LRRTM4: variants seen among roughly 807,000 people sequenced by gnomAD.
LRRTM4 encodes leucine rich repeat transmembrane neuronal 4.
Under a neutral mutation model 47.6 loss-of-function variants are expected in LRRTM4, and 25 were observed. The ratio of observed to expected loss-of-function variants is 0.53; its 90% CI spans 0.38 to 0.73. The LOEUF (loss-of-function observed/expected upper bound fraction) is 0.73, where lower values mean the gene tolerates loss of function less well. Ranked by LOEUF, LRRTM4 falls within the 30% of genes least tolerant of loss-of-function variation. LRRTM4 has a pLI of 0.00. For missense variants in LRRTM4, 638 were observed against 713.4 expected (o/e 0.89, Z 1.20); for synonymous variants, 311 against 269.5 (o/e 1.15, Z -1.51).
chr2:76,808,828 T>TC (rs1670640795), intron 3 of LRRTM4, among the ~76,000 whole-genome samples: 1 of 151,934 alleles, frequency 6.6e-6, no homozygotes, highest in South Asian at 2.1e-4. Context: ...CTGAACTTTT[T>TC]TTTTCAGTTC....
chr2:76,933,054 A>G (rs2103839464), intron 3 of LRRTM4, among the ~76,000 whole-genome samples: 1 of 152,156 alleles, frequency 6.6e-6, no homozygotes, highest in East Asian at 1.9e-4. Context: ...CTCACATCCT[A>G]TTTTTTTATG....
intron 3 of LRRTM4, among the ~76,000 whole-genome samples, chr2:77,021,645 C>G (rs1488419626): frequency 6.6e-6 from 1 of 152,166 alleles, no homozygotes; most frequent in African/African-American, 2.4e-5. Flanking sequence ...CCATCTTTAA[C>G]CAGACTGCCA....
intron 3 of LRRTM4, among the ~76,000 whole-genome samples, chr2:77,150,643 A>C (rs970247459): frequency 6.6e-6 from 1 of 152,166 alleles, no homozygotes; most frequent in African/African-American, 2.4e-5. Flanking sequence ...ATTCTCCGTA[A>C]ATAATTGAGG....
intron 3 of LRRTM4, among the ~76,000 whole-genome samples, chr2:77,174,407 T>C (rs1354723788): frequency 2.0e-5 from 3 of 152,200 alleles, no homozygotes; most frequent in Non-Finnish European, 2.9e-5. Flanking sequence ...TACTAGGCTG[T>C]AGCATAGGCT....
At chr2:76,843,291 A>G (rs1183596667) in intron 3 of LRRTM4, among the ~76,000 whole-genome samples, 2 of 152,144 alleles carry the variant, frequency 1.3e-5, no homozygotes, top group African/African-American at 4.8e-5. Flanking sequence ...GAGCCTAAAA[A>G]CTGAGGGCTT....
At chr2:77,143,634 G>T (rs1290954182) in intron 3 of LRRTM4, among the ~76,000 whole-genome samples, 1 of 152,130 alleles carries the variant, frequency 6.6e-6, no homozygotes, top group East Asian at 1.9e-4. Context: ...TAGAAAAACT[G>T]TATCATCTGC....
intron 3 of LRRTM4, among the ~76,000 whole-genome samples, chr2:77,330,778 C>T (rs1177525542): frequency 6.6e-6 from 1 of 152,062 alleles, no homozygotes; most frequent in Non-Finnish European, 1.5e-5. Flanking sequence ...AACATTCTAT[C>T]AGTAAAACTA....
chr2:77,496,659 G>T lies in LRRTM4; in HGVS notation c.1551+21659C>A, dbSNP rs185377158. Among the ~76,000 whole-genome samples, 616 of 151,820 alleles carry T rather than the reference G, an allele frequency of 4.1e-3. 7 individuals are homozygous for T. The highest frequency in any genetic ancestry group is 0.014 in the African/African-American group (589 of 41,494). On this transcript the variant is annotated intron_variant, in intron 3 of 3. Coordinates refer to ENST00000409884, the MANE Select transcript of LRRTM4 (RefSeq NM_001134745.3). ...GACCTAGCATTCCTGGTATGCAGTT[G>T]ATTTGGTAATGATTTTGGGGTATGA...
At chr2:77,295,767 A>T (rs966870060) in intron 3 of LRRTM4, among the ~76,000 whole-genome samples, 2 of 152,020 alleles carry the variant, frequency 1.3e-5, no homozygotes, top group African/African-American at 4.8e-5. Context: ...GTTGTATCTA[A>T]ATTTCCTCCT....
intron 3 of LRRTM4, among the ~76,000 whole-genome samples, chr2:76,961,652 T>C (rs953325982): frequency 1.3e-5 from 2 of 151,328 alleles, no homozygotes; most frequent in African/African-American, 4.8e-5. Flanking sequence ...AGGGCTACTA[T>C]TAATGAATAC....
At chr2:76,945,131 ATAAG>A (rs1675280877) in intron 3 of LRRTM4, among the ~76,000 whole-genome samples, 1 of 152,108 alleles carries the variant, frequency 6.6e-6, no homozygotes, top group South Asian at 2.1e-4. Context: ...CACACAAAAT[ATAAG>A]TATGTAAAGG....
intron 3 of LRRTM4, among the ~76,000 whole-genome samples, chr2:76,832,215 A>G (rs1671373417): frequency 6.6e-6 from 1 of 152,062 alleles, no homozygotes; most frequent in African/African-American, 2.4e-5. Context: ...CCTATCACCA[A>G]TTTGATTCTA....
Position 76,873,494 on chromosome 2 carries a change from ATATATATGTGTG to A in LRRTM4, c.1552-124590_1552-124579del, listed in dbSNP as rs1387424257. On this transcript the variant is annotated intron_variant, in intron 3 of 3. Transcript: ENST00000409884. ...TGTGTATATATATATGTGTGTGTGT[ATATATATGTGTG>A]TATATATATATATATATATATATAT... is the stretch of plus-strand genomic sequence containing the variant. 6.5e-5 allele frequency among the ~76,000 whole-genome samples: 7 copies of A among 107,562 alleles called. No individual in the cohort carries two copies. The East Asian group carries it at 1.9e-3, about 30-fold the overall frequency. The allele number at this position is 107,562 out of a possible 152,430, so 70.6% of individuals were successfully genotyped here. A position where few individuals can be genotyped will look rare whatever the true frequency, so the allele number is the denominator to read the frequency against.
At chr2:77,310,790 T>C (rs1013769323) in intron 3 of LRRTM4, among the ~76,000 whole-genome samples, 1 of 152,124 alleles carries the variant, frequency 6.6e-6, no homozygotes, top group Non-Finnish European at 1.5e-5. Flanking sequence ...ATTTTTTAAA[T>C]AATACTGAGC....
At chr2:77,413,763 T>C (rs761583257) in intron 3 of LRRTM4, among the ~76,000 whole-genome samples, 1 of 152,046 alleles carries the variant, frequency 6.6e-6, no homozygotes, top group Non-Finnish European at 1.5e-5. Flanking sequence ...CCTAATGGAA[T>C]GAAATTATGC....
chr2:77,225,785 A>T (rs1255241823), intron 3 of LRRTM4, among the ~76,000 whole-genome samples: 1 of 151,920 alleles, frequency 6.6e-6, no homozygotes, highest in Non-Finnish European at 1.5e-5. Context: ...TACACATGAA[A>T]ATTGATTTGA....
At chr2:77,237,626 C>T (rs7581365) in intron 3 of LRRTM4, among the ~76,000 whole-genome samples, 22,990 of 151,568 alleles carry the variant, frequency 0.15, 2,932 homozygotes, top group African/African-American at 0.33. Context: ...GGTGTTTACA[C>T]CCACATATAG....
intron 3 of LRRTM4, among the ~76,000 whole-genome samples, chr2:76,974,201 T>C (rs779209280): frequency 0.03 from 2,123 of 70,388 alleles, 78 homozygotes; most frequent in African/African-American, 0.16. Context: ...TATATACATA[T>C]ATATATATAC....
At chr2:77,499,404 C>T (rs72813103) in intron 3 of LRRTM4, among the ~76,000 whole-genome samples, 5,928 of 151,922 alleles carry the variant, frequency 0.039, 179 homozygotes, top group Admixed American at 0.074. Flanking sequence ...GTCCTGGTCC[C>T]GGTTCTCTAC....
Sources: gnomAD v4.1 joint callset for allele counts (sites outside exome capture counted in the v4.1 genomes callset) on GRCh38, gnomAD v4.1.1 for gene constraint, MANE v1.5 for transcripts, NCBI Gene and HGNC (gene_info 2026-07-23, HGNC 2026-07-21) for gene names.